The following MN1 variants were observed in gnomAD, a reference collection of about 807,000 sequenced individuals.
MN1 encodes the protein MN1 proto-oncogene, transcriptional regulator.
In MN1, 19 loss-of-function variants were observed where a neutral mutation model predicts 86.9. That is an observed-to-expected ratio of 0.22 (90% CI 0.15 to 0.32). The LOEUF (loss-of-function observed/expected upper bound fraction) is 0.32. Ranked by LOEUF, MN1 falls within the 10% of genes least tolerant of loss-of-function variation. The pLI, the probability that MN1 is intolerant of heterozygous loss-of-function variation, is 1.00. For synonymous variants in MN1, 928 were observed against 849.6 expected (o/e 1.09, Z -1.60); for missense variants, 1,841 against 1,862.0 (o/e 0.99, Z 0.21).
chr22:27,788,701 G>A (rs1933171769), intron 1 of MN1, among the ~76,000 whole-genome samples: 1 of 151,692 alleles, frequency 6.6e-6, no homozygotes, highest in Non-Finnish European at 1.5e-5. Context: ...GCACGCGTGT[G>A]TGTGTGCACG....
chr22:27,754,457 C>T (rs986421439), intron 1 of MN1, among the ~76,000 whole-genome samples: 1 of 152,186 alleles, frequency 6.6e-6, no homozygotes, highest in African/African-American at 2.4e-5. Flanking sequence ...CCAGATGTCA[C>T]AGAGCATGGG....
intron 1 of MN1, 22 bp downstream of exon 1, chr22:27,796,741 A>G: frequency 6.4e-7 from 1 of 1,560,064 alleles, no homozygotes; most frequent in Non-Finnish European, 8.7e-7. Context: ...GGGAAGTGAG[A>G]GGAAAACGAG....
chr22:27,762,627 A>C (rs1932842058), intron 1 of MN1, among the ~76,000 whole-genome samples: 1 of 151,856 alleles, frequency 6.6e-6, no homozygotes, highest in Non-Finnish European at 1.5e-5. Flanking sequence ...ATAGTGTTAG[A>C]CCCTATACTG....
intron 1 of MN1, among the ~76,000 whole-genome samples, chr22:27,751,703 GC>G (rs1162704221): frequency 6.6e-6 from 1 of 152,138 alleles, no homozygotes. Flanking sequence ...AAGATGACTT[GC>G]CCCGAGTCAC....
chr22:27,773,459 G>A (rs767167643), intron 1 of MN1, among the ~76,000 whole-genome samples: 9 of 152,342 alleles, frequency 5.9e-5, no homozygotes, highest in Non-Finnish European at 1.2e-4. Context: ...AGCTGGGCCC[G>A]AGTCATGGGA....
At chr22:27,788,078 G>A (rs1169903952) in intron 1 of MN1, among the ~76,000 whole-genome samples, 6 of 152,196 alleles carry the variant, frequency 3.9e-5, no homozygotes, top group African/African-American at 1.4e-4. Context: ...TAGCCCAGGT[G>A]ATGTTGTTAT....
intron 1 of MN1, among the ~76,000 whole-genome samples, chr22:27,762,577 C>G (rs1292803447): frequency 1.3e-5 from 2 of 152,118 alleles, no homozygotes; most frequent in Admixed American, 6.5e-5. Context: ...CAGCCCTCCC[C>G]CTCTCTGTTT....
chr22:27,769,777 A>G (rs1932899676), intron 1 of MN1, among the ~76,000 whole-genome samples: 1 of 151,456 alleles, frequency 6.6e-6, no homozygotes, highest in South Asian at 2.1e-4. Context: ...GATGGTCTCG[A>G]TCTCCTGACC....
At chr22:27,788,895 A>AG (rs1446290499) in intron 1 of MN1, among the ~76,000 whole-genome samples, 2 of 152,164 alleles carry the variant, frequency 1.3e-5, no homozygotes, top group Non-Finnish European at 2.9e-5. Flanking sequence ...AGACCCCCCC[A>AG]GACGGTGTCA....
Position 27,798,428 on chromosome 22 carries a change from G to T in MN1, c.2116C>A (p.Leu706Met), listed in dbSNP as rs1432467365. 1.6e-5 allele frequency: 25 copies of T among 1,550,146 alleles called. No homozygotes were observed. Among genetic ancestry groups the T allele is most frequent in the Non-Finnish European group, 2.2e-5 (25 of 1,157,414 alleles). Residue 706 changes from leucine (L) to methionine (M), a missense_variant, in exon 1 of 2, where the codon CTG becomes ATG. Leu to Met is a conservative substitution (Grantham distance 15). Coordinates refer to ENST00000302326, the MANE Select transcript of MN1 (RefSeq NM_002430.3). ...GACTGCAGCTGACCCAGGCCTCCCA[G>T]ACTGCCCCCGAACTGCAGGCCCGGT... ...PSPGLQFGGS[L>M]GGLGQLQSPG...
intron 1 of MN1, among the ~76,000 whole-genome samples, chr22:27,777,686 G>C (rs182907333): frequency 2.1e-5 from 3 of 145,610 alleles, no homozygotes; most frequent in Admixed American, 7.0e-5. Flanking sequence ...TGGTGAAACC[G>C]TGTCTCTACT....
rs866112872 is a variant in MN1, at chr22:27,798,259, C to T, written c.2285G>A (p.Gly762Asp). 1.3e-6 allele frequency: 2 copies of T among 1,528,630 alleles called. No individual in the cohort carries two copies. The highest frequency in any genetic ancestry group is 2.1e-5 in the Admixed American group (1 of 47,948). 94.7% of individuals were successfully genotyped at this position (1,528,630 alleles called of 1,614,324 possible). Reference sequence around the variant, plus strand: ...TCCCGCGCTGGGGGGCGAGTTCACGCCTGGACCGCTGTGCGGCGTGGACTG... The same window carrying T: ...TCCCGCGCTGGGGGGCGAGTTCACGTCTGGACCGCTGTGCGGCGTGGACTG... ...GRQSTPHSGP[G>D]VNSPPSAGGG... Residue 762 changes from glycine to aspartate, a missense_variant, in exon 1 of 2, where the codon GGC becomes GAC. Physicochemically the swap from Gly to Asp is moderately conservative, Grantham distance 94. Transcript: ENST00000302326.
Position 27,791,977 on chromosome 22 carries a change from GC to G in MN1, c.3781+4785del, listed in dbSNP as rs1933217078. Reference sequence around the variant, plus strand: ...TCCTCCTCTAATTTCACCTGGTCCTGCCGGACTATTTATTAAAAATGTATAT... The same window carrying G: ...TCCTCCTCTAATTTCACCTGGTCCTGCGGACTATTTATTAAAAATGTATAT... On this transcript the variant is annotated intron_variant, in intron 1 of 1. Transcript: ENST00000302326. 3 of 152,354 alleles carry G rather than the reference GC, an allele frequency of 2.0e-5. No individual in the cohort carries two copies. In the South Asian group the frequency reaches 6.2e-4, roughly 32 times the overall value. 9.4% of individuals were successfully genotyped at this position (152,354 alleles called of 1,614,324 possible).
chr22:27,767,035 C>G (rs929243611), intron 1 of MN1, among the ~76,000 whole-genome samples: 3 of 152,162 alleles, frequency 2.0e-5, no homozygotes, highest in African/African-American at 7.2e-5. Flanking sequence ...CACACCAACC[C>G]TAATTGTGCT....
At position 27,800,487 on chromosome 22, in the gene MN1, G is replaced by T. The variant is rs754700385; in HGVS notation, c.57C>A (p.Gly19=). 8.7e-6 allele frequency: 14 copies of T among 1,614,082 alleles called. No individual in the cohort carries two copies. The highest frequency in any genetic ancestry group is 1.3e-5 in the African/African-American group (1 of 74,952). The part of the protein sequence containing the change: ...PQVNSRNAGQ[G]ERNFNETGLS... ...GTCCGGTCTCGTTAAAGTTCCTCTC[G>T]CCCTGGCCAGCGTTCCTGCTGTTGA... The change falls in exon 1 of 2, where the codon GGC becomes GGA. Residue 19 remains glycine, a synonymous_variant. Transcript: ENST00000302326.
At chr22:27,773,715 G>A (rs1052672849) in intron 1 of MN1, among the ~76,000 whole-genome samples, 1 of 152,176 alleles carries the variant, frequency 6.6e-6, no homozygotes, top group African/African-American at 2.4e-5. Flanking sequence ...GGAGTGCAGT[G>A]GCACAATCTC....
intron 1 of MN1, among the ~76,000 whole-genome samples, chr22:27,784,863 A>C (rs1933101111): frequency 6.6e-6 from 1 of 150,540 alleles, no homozygotes; most frequent in African/African-American, 2.4e-5. Flanking sequence ...GAAGAAATAA[A>C]TACTGCTGGG....
chr22:27,785,188 T>C (rs921741607), intron 1 of MN1, among the ~76,000 whole-genome samples: 1 of 152,082 alleles, frequency 6.6e-6, no homozygotes. Context: ...CACACCAAGA[T>C]AGTAATACTG....
At position 27,769,899 on chromosome 22, in the gene MN1, A is replaced by T. The variant is rs999672029; in HGVS notation, c.3782-18803T>A. 3.9e-5 allele frequency among the ~76,000 whole-genome samples: 6 copies of T among 151,990 alleles called. No individual in the cohort carries two copies. In the East Asian group the frequency reaches 5.8e-4, roughly 15 times the overall value. Reference sequence around the variant, plus strand: ...ATCATCTGCTATGTGGCCAGCCCCAAGTCTCAGTTTTCACTGGTACCTTCC... The same window carrying T: ...ATCATCTGCTATGTGGCCAGCCCCATGTCTCAGTTTTCACTGGTACCTTCC... On this transcript the variant is annotated intron_variant, in intron 1 of 1. Transcript: ENST00000302326.
Sources: gnomAD v4.1 joint callset for allele counts (sites outside exome capture counted in the v4.1 genomes callset) on GRCh38, gnomAD v4.1.1 for gene constraint, MANE v1.5 for transcripts, NCBI Gene and HGNC (gene_info 2026-07-23, HGNC 2026-07-21) for gene names.